SRFBP1: variants seen among roughly 807,000 people sequenced by gnomAD.
SRFBP1 encodes the protein serum response factor binding protein 1, also known as serum response factor-binding protein 1.
SRFBP1 carries 47 observed loss-of-function variants against 45.5 expected under a neutral mutation model. The observed-to-expected ratio is 1.03, with a 90% CI of 0.82 to 1.32. The LOEUF is 1.32. Ranked by LOEUF, SRFBP1 falls within the 40% of genes most tolerant of loss-of-function variation. The probability of loss-of-function intolerance (pLI) is 0.00; values close to 1 mark genes in which losing one functional copy is unlikely to be tolerated. For missense variants in SRFBP1, 621 were observed against 484.6 expected, an observed-to-expected ratio of 1.28 and a Z score of -2.64; for synonymous variants, 203 against 166.3, an observed-to-expected ratio of 1.22 and a Z score of -1.70.
downstream of SRFBP1, among the ~76,000 whole-genome samples, chr5:122,033,175 T>C (rs1753618315): frequency 6.6e-6 from 1 of 152,028 alleles, no homozygotes; most frequent in South Asian, 2.1e-4. Flanking sequence ...GGTTTTTTTT[T>C]CCTTTTTCCC....
At chr5:121,999,222 T>C (rs1178759343) in intron 4 of SRFBP1, among the ~76,000 whole-genome samples, 2 of 152,194 alleles carry the variant, frequency 1.3e-5, no homozygotes, top group African/African-American at 2.4e-5. Flanking sequence ...TGAACCCTCT[T>C]TGATTCATGG....
intron 2 of SRFBP1, among the ~76,000 whole-genome samples, chr5:122,074,413 T>C (rs534412567): frequency 2.6e-5 from 4 of 152,336 alleles, no homozygotes; most frequent in South Asian, 2.1e-4. Flanking sequence ...TGCTTTCTTA[T>C]TGTACCCCAT....
At chr5:121,964,946 G>C (rs1752032214) in intron 1 of SRFBP1, among the ~76,000 whole-genome samples, 2 of 152,144 alleles carry the variant, frequency 1.3e-5, no homozygotes, top group African/African-American at 4.8e-5. Context: ...ATGACCACTG[G>C]TGATGAGCAT....
chr5:122,019,813 T>A (rs981337627), intron 5 of SRFBP1, among the ~76,000 whole-genome samples: 1 of 152,048 alleles, frequency 6.6e-6, no homozygotes, highest in African/African-American at 2.4e-5. Context: ...TTGTATTCTG[T>A]GATGTTTTTA....
Position 122,019,306 on chromosome 5 carries a change from A to C in SRFBP1, c.317A>C (p.His106Pro). ...AGAGCAATTGCCAGACTAGCAGTAC[A>C]TCCTCTTCTGAAGAAAAAGATAGAT... is the stretch of plus-strand genomic sequence containing the variant. ...TERAIARLAV[H>P]PLLKKKIDVL... The change falls in exon 5 of 8, where the codon CAT (histidine) becomes CCT (proline). Residue 106 changes from histidine (H) to proline (P), a missense_variant. By Grantham distance (77) the His-to-Pro change is moderately conservative (BLOSUM62 -2). Coordinates refer to ENST00000339397, the MANE Select transcript of SRFBP1 (RefSeq NM_152546.3). 6.2e-7 allele frequency: 1 copy of C among 1,612,626 alleles called. No homozygotes were observed. Among genetic ancestry groups the C allele is most frequent in the South Asian group, 1.1e-5 (1 of 90,918 alleles).
At position 121,975,360 on chromosome 5, in the gene SRFBP1, A is replaced by G. The variant is rs778436958; in HGVS notation, c.171A>G (p.Arg57=). The G allele has an allele frequency of 1.6e-5, 26 of 1,613,230 alleles. No individual in the cohort carries two copies. The highest frequency in any genetic ancestry group is 3.3e-4 in the Middle Eastern group (2 of 6,082). The change falls in exon 3 of 8, where the codon AGA becomes AGG. Residue 57 remains arginine, a synonymous_variant. Transcript: ENST00000339397. ...ALLKNQRRAQ[R]LLEEIHAMKE... is the part of the protein sequence containing the mutation. ...TAAAAAACCAAAGACGGGCGCAAAGATTGCTTGAAGAAATCCATGCCATGA... is the reference window on the plus strand; with the variant it reads ...TAAAAAACCAAAGACGGGCGCAAAGGTTGCTTGAAGAAATCCATGCCATGA...
chr5:121,998,554 T>C (rs1375091091), intron 4 of SRFBP1, among the ~76,000 whole-genome samples: 2 of 145,214 alleles, frequency 1.4e-5, no homozygotes, highest in African/African-American at 2.6e-5. Flanking sequence ...TTGGGAGATA[T>C]ACCTAATGCT....
At chr5:122,006,858 T>G (rs980467764) in intron 4 of SRFBP1, among the ~76,000 whole-genome samples, 5 of 152,074 alleles carry the variant, frequency 3.3e-5, no homozygotes, top group Admixed American at 2.6e-4. Flanking sequence ...CTGAAAATAA[T>G]TATTTGAATA....
At chr5:122,023,694 C>T (rs1753410746) in intron 7 of SRFBP1, among the ~76,000 whole-genome samples, 1 of 152,068 alleles carries the variant, frequency 6.6e-6, no homozygotes, top group Admixed American at 6.6e-5. Context: ...TTGGAGTTTG[C>T]CCCAAGTCAC....
intron 2 of SRFBP1, among the ~76,000 whole-genome samples, chr5:122,034,897 A>G (rs944987370): frequency 3.3e-5 from 5 of 152,020 alleles, no homozygotes; most frequent in Non-Finnish European, 7.4e-5. Flanking sequence ...TGATCCTGCC[A>G]CTCTTCCTTG....
chr5:122,018,706 C>A (rs1753236007), intron 4 of SRFBP1, among the ~76,000 whole-genome samples: 1 of 152,072 alleles, frequency 6.6e-6, no homozygotes, highest in Non-Finnish European at 1.5e-5. Flanking sequence ...ATGATTTTTC[C>A]AAATTTATAA....
At chr5:122,071,817 A>G (rs1442659464) in intron 2 of SRFBP1, among the ~76,000 whole-genome samples, 1 of 152,176 alleles carries the variant, frequency 6.6e-6, no homozygotes, top group Non-Finnish European at 1.5e-5. Context: ...AGCATGCTCT[A>G]CCAATGCTGG....
chr5:122,002,582 C>T (rs1014578341), intron 4 of SRFBP1, among the ~76,000 whole-genome samples: 16 of 152,180 alleles, frequency 1.1e-4, no homozygotes, highest in Admixed American at 7.2e-4. Flanking sequence ...TCCTCTCCAT[C>T]GTTCCTAAGG....
chr5:122,022,187 T>C (rs1257407294), intron 6 of SRFBP1, among the ~76,000 whole-genome samples, 183 bp from the exon 7 acceptor site: 2 of 152,188 alleles, frequency 1.3e-5, no homozygotes, highest in South Asian at 4.1e-4. Context: ...CACTGGATTC[T>C]AACAAACCTT....
intron 2 of SRFBP1, among the ~76,000 whole-genome samples, chr5:122,048,022 T>C (rs1390159042): frequency 2.6e-5 from 4 of 152,158 alleles, no homozygotes; most frequent in Non-Finnish European, 5.9e-5. Flanking sequence ...CTTTTCCTAA[T>C]TGAGTACCCT....
intron 4 of SRFBP1, among the ~76,000 whole-genome samples, chr5:122,005,019 A>G (rs1435103400): frequency 6.6e-6 from 1 of 152,098 alleles, no homozygotes; most frequent in East Asian, 1.9e-4. Context: ...GATACTTAAT[A>G]TGTCTTCTGT....
At chr5:122,000,854 CATTA>C (rs746040596) in intron 4 of SRFBP1, among the ~76,000 whole-genome samples, 111 of 152,044 alleles carry the variant, frequency 7.3e-4, no homozygotes, top group Non-Finnish European at 1.2e-3. Context: ...CTAAATTTTG[CATTA>C]ATTTTTATGA....
intron 4 of SRFBP1, among the ~76,000 whole-genome samples, chr5:122,012,991 T>G (rs1340473210): frequency 6.6e-6 from 1 of 152,114 alleles, no homozygotes; most frequent in Admixed American, 6.5e-5. Context: ...GCTTTGTGAC[T>G]TTAGTCAGGT....
intron 4 of SRFBP1, among the ~76,000 whole-genome samples, chr5:122,016,111 T>C (rs775525650): frequency 1.3e-5 from 2 of 152,234 alleles, no homozygotes; most frequent in Non-Finnish European, 2.9e-5. Flanking sequence ...TTCTGTCTTA[T>C]CTGTAGTGTA....
Sources: allele counts gnomAD v4.1 joint callset (sites outside exome capture counted in the v4.1 genomes callset), GRCh38; gene constraint gnomAD v4.1.1; transcripts MANE v1.5; gene names NCBI Gene and HGNC (gene_info 2026-07-23, HGNC 2026-07-21).